Variants in RNF150 observed in about 807,000 individuals in gnomAD.
RNF150 encodes ring finger protein 150.
In RNF150, 24 loss-of-function variants were observed where a neutral mutation model predicts 39.3. That is an observed-to-expected ratio of 0.61 (90% CI 0.44 to 0.86). The LOEUF (loss-of-function observed/expected upper bound fraction) is 0.86. Ranked by LOEUF, RNF150 falls within the 40% of genes least tolerant of loss-of-function variation. RNF150 has a pLI of 0.00. For synonymous variants in RNF150, 255 were observed against 227.3 expected, an observed-to-expected ratio of 1.12 and a Z score of -1.10; for missense variants, 502 against 587.8, an observed-to-expected ratio of 0.85 and a Z score of 1.51.
chr4:141,014,302 T>C (rs931493293), intron 1 of RNF150, among the ~76,000 whole-genome samples: 2 of 152,220 alleles, frequency 1.3e-5, no homozygotes, highest in Admixed American at 6.5e-5. Flanking sequence ...GCGATGAACA[T>C]AGGAGTGCAG....
chr4:140,921,817 T>C (rs1371125541), intron 5 of RNF150, among the ~76,000 whole-genome samples: 2 of 152,032 alleles, frequency 1.3e-5, no homozygotes, highest in Admixed American at 6.6e-5. Flanking sequence ...GTTCAACATA[T>C]GCAAATCAAT....
intron 1 of RNF150, among the ~76,000 whole-genome samples, chr4:140,990,498 C>T (rs1394216441): frequency 1.3e-5 from 2 of 151,878 alleles, no homozygotes; most frequent in African/African-American, 2.4e-5. Context: ...CTCCTCACAT[C>T]CCACCTACTG....
chr4:141,032,031 CACAT>C (rs1399214566), intron 1 of RNF150, among the ~76,000 whole-genome samples: 1 of 151,562 alleles, frequency 6.6e-6, no homozygotes, highest in Admixed American at 6.6e-5. Flanking sequence ...TATATATACA[CACAT>C]ATATATATAA....
intron 1 of RNF150, among the ~76,000 whole-genome samples, chr4:141,064,855 G>A (rs1737390361): frequency 1.3e-5 from 2 of 152,020 alleles, no homozygotes; most frequent in Admixed American, 1.3e-4. Flanking sequence ...TGAACAGCCT[G>A]ACAATTTTTG....
chr4:141,163,153 G>A (rs760262003), intron 1 of RNF150, among the ~76,000 whole-genome samples: 7 of 152,152 alleles, frequency 4.6e-5, no homozygotes, highest in Non-Finnish European at 8.8e-5. Flanking sequence ...TTGAGTAGGC[G>A]GTTTTCCCCT....
chr4:140,903,581 A>G (rs1191642731), intron 6 of RNF150, among the ~76,000 whole-genome samples: 4 of 152,192 alleles, frequency 2.6e-5, no homozygotes, highest in Non-Finnish European at 5.9e-5. Flanking sequence ...ACAGTGTGTC[A>G]GTGTCTGGTA....
chr4:141,086,310 G>C (rs1207261131), intron 1 of RNF150, among the ~76,000 whole-genome samples: 1 of 152,128 alleles, frequency 6.6e-6, no homozygotes, highest in African/African-American at 2.4e-5. Context: ...AAGTTTCATA[G>C]TGAGTCTACT....
At chr4:140,983,375 C>T (rs1333452551) in intron 1 of RNF150, among the ~76,000 whole-genome samples, 1 of 152,162 alleles carries the variant, frequency 6.6e-6, no homozygotes, top group Non-Finnish European at 1.5e-5. Flanking sequence ...TGTCCAGTTT[C>T]TCCAACAGCT....
In RNF150 at chr4:140,943,839, G is replaced by C. The variant is rs77780660; in HGVS notation, c.890+3815C>G. ...CATTTTTCCTTAGTTGTGGAGGAGAGTTTGCAAAAATCAAAGAAAAAAAAC... is the reference window on the plus strand; with the variant it reads ...CATTTTTCCTTAGTTGTGGAGGAGACTTTGCAAAAATCAAAGAAAAAAAAC... On this transcript the variant is annotated intron_variant, in intron 4 of 6. Coordinates refer to ENST00000515673, the MANE Select transcript of RNF150 (RefSeq NM_020724.2). 4.9e-3 allele frequency among the ~76,000 whole-genome samples: 746 copies of C among 152,164 alleles called. 4 individuals are homozygous for C. Among genetic ancestry groups the C allele is most frequent in the African/African-American group, 0.016 (680 of 41,508 alleles).
chr4:140,977,288 T>C (rs1272654832), intron 1 of RNF150, among the ~76,000 whole-genome samples: 1 of 152,178 alleles, frequency 6.6e-6, no homozygotes, highest in Non-Finnish European at 1.5e-5. Flanking sequence ...CCAATCAGTA[T>C]GATTCCCTCA....
At chr4:141,119,739 A>G (rs912488841) in intron 1 of RNF150, among the ~76,000 whole-genome samples, 1 of 152,182 alleles carries the variant, frequency 6.6e-6, no homozygotes, top group Non-Finnish European at 1.5e-5. Context: ...CCAAGGATTT[A>G]GGGCACAGGG....
Position 141,157,922 on chromosome 4 carries a change from C to T in RNF150, c.-6+54872G>A, listed in dbSNP as rs183735811. On this transcript the variant is annotated intron_variant, in intron 1 of 7. Coordinates refer to the RNF150 transcript ENST00000420921. Reference sequence around the variant, plus strand: ...TATGGCTCATATCTCAGTCTTTTCACCCAATATTCTTTCCATTATCCCCTC... The same window carrying T: ...TATGGCTCATATCTCAGTCTTTTCATCCAATATTCTTTCCATTATCCCCTC... Among the ~76,000 whole-genome samples the T allele has an allele frequency of 2.3e-3, 351 of 152,274 alleles. 1 individual carries two copies. Among genetic ancestry groups the T allele is most frequent in the African/African-American group, 8.0e-3 (333 of 41,550 alleles).
At chr4:140,968,929 AG>A (rs1733354341) in intron 1 of RNF150, among the ~76,000 whole-genome samples, 1 of 151,986 alleles carries the variant, frequency 6.6e-6, no homozygotes, top group African/African-American at 2.4e-5. Flanking sequence ...GAAAGATGCA[AG>A]ATGATTAGGG....
At chr4:141,104,321 G>A (rs1239411908) in intron 1 of RNF150, among the ~76,000 whole-genome samples, 1 of 152,156 alleles carries the variant, frequency 6.6e-6, no homozygotes, top group Non-Finnish European at 1.5e-5. Context: ...CTTCGCAATT[G>A]CTTACAACAT....
intron 3 of RNF150, among the ~76,000 whole-genome samples, chr4:140,948,424 T>C (rs1732407721): frequency 6.6e-6 from 1 of 152,146 alleles, no homozygotes; most frequent in African/African-American, 2.4e-5. Flanking sequence ...TCCAAACCCA[T>C]GTATTGTAAT....
At chr4:141,064,325 G>C (rs1245000441) in intron 1 of RNF150, among the ~76,000 whole-genome samples, 1 of 152,144 alleles carries the variant, frequency 6.6e-6, no homozygotes, top group Non-Finnish European at 1.5e-5. Flanking sequence ...CAGGCGCTTG[G>C]AAAATCTTAA....
intron 1 of RNF150, among the ~76,000 whole-genome samples, chr4:141,170,868 C>T (rs1191633162): frequency 1.3e-5 from 2 of 152,156 alleles, no homozygotes; most frequent in Admixed American, 6.5e-5. Flanking sequence ...AGCAGTGTCT[C>T]CACTGTGACT....
chr4:140,874,114 T>C (rs1729055728), intron 6 of RNF150, among the ~76,000 whole-genome samples: 3 of 152,236 alleles, frequency 2.0e-5, no homozygotes, highest in African/African-American at 7.2e-5. Context: ...ATTAATTCCA[T>C]TTAGTCCATA....
At chr4:140,882,255 G>A (rs897642599) in intron 6 of RNF150, among the ~76,000 whole-genome samples, 4 of 152,070 alleles carry the variant, frequency 2.6e-5, no homozygotes, top group Non-Finnish European at 4.4e-5. Flanking sequence ...TGCTGACCTC[G>A]TGATCCACCC....
Sources: allele counts gnomAD v4.1 joint callset (sites outside exome capture counted in the v4.1 genomes callset), GRCh38; gene constraint gnomAD v4.1.1; transcripts MANE v1.5; gene names NCBI Gene and HGNC (gene_info 2026-07-23, HGNC 2026-07-21).